Variants in DNAAF11 observed in about 807,000 individuals in gnomAD.
DNAAF11 encodes leucine rich repeat containing 6.
DNAAF11 carries 45 observed loss-of-function variants against 60.8 expected under a neutral mutation model. The ratio of observed to expected loss-of-function variants is 0.74; its 90% CI spans 0.58 to 0.95. DNAAF11 has a LOEUF of 0.95. DNAAF11 is among the 40% of genes least tolerant of loss of function. DNAAF11 has a pLI of 0.00. For synonymous variants in DNAAF11, 191 were observed against 183.5 expected (o/e 1.04, Z -0.33); for missense variants, 546 against 546.2 (o/e 1.00, Z 0.00).
chr8:132,584,211 T>A lies in DNAAF11; in HGVS notation c.1141-432A>T, dbSNP rs150685069. ...CCCGGCTCACTGCGCCCTGGTTTCT[T>A]CCTCTGCAAAATGAAGGAATCGGTT... On this transcript the variant is annotated intron_variant, in intron 10 of 11. Transcript: ENST00000620350. Among the ~76,000 whole-genome samples the A allele has an allele frequency of 3.9e-3, 601 of 152,240 alleles. 11 individuals carry two copies. Among genetic ancestry groups the A allele is most frequent in the African/African-American group, 0.014 (580 of 41,542 alleles).
At chr8:132,635,463 G>A (rs1437178818) in intron 4 of DNAAF11, among the ~76,000 whole-genome samples, 1 of 152,162 alleles carries the variant, frequency 6.6e-6, no homozygotes. Context: ...ACCTTGGTTT[G>A]TCTGCTAACA....
rs181197452 is a variant in DNAAF11, at chr8:132,587,642, G to T, written c.1141-3863C>A. ...CTAAATGTGTTTAGGAATGACTAAT[G>T]GAAAAGTTGTAAGGGCCAAAATATG... On this transcript the variant is annotated intron_variant, in intron 10 of 11. Coordinates refer to ENST00000620350, the MANE Select transcript of DNAAF11 (RefSeq NM_012472.6). Among the ~76,000 whole-genome samples, 1,127 of 152,222 alleles carry T rather than the reference G, an allele frequency of 7.4e-3. 5 individuals carry two copies. Among genetic ancestry groups the T allele is most frequent in the South Asian group, 0.018 (86 of 4,816 alleles).
chr8:132,661,311 C>T (rs1165095814), intron 2 of DNAAF11, 149 bp downstream of exon 2: 1 of 656,050 alleles, frequency 1.5e-6, no homozygotes, highest in East Asian at 2.8e-5. Flanking sequence ...AGGGAAACGC[C>T]CCCCACACAA....
At chr8:132,575,670 C>T (rs1315796218) in intron 11 of DNAAF11, among the ~76,000 whole-genome samples, 1 of 152,152 alleles carries the variant, frequency 6.6e-6, no homozygotes, top group African/African-American at 2.4e-5. Flanking sequence ...TGGCATCTGG[C>T]ACTGGGCGCG....
chr8:132,602,828 G>T (rs1817770317), intron 10 of DNAAF11, among the ~76,000 whole-genome samples: 1 of 151,498 alleles, frequency 6.6e-6, no homozygotes, highest in Admixed American at 6.6e-5. Context: ...ATTTGAGCCT[G>T]CCTCTTCTAG....
intron 11 of DNAAF11, among the ~76,000 whole-genome samples, chr8:132,581,019 A>G (rs1411671185): frequency 6.6e-6 from 1 of 152,224 alleles, no homozygotes; most frequent in African/African-American, 2.4e-5. Flanking sequence ...CTCCTGGTCT[A>G]CGACAGAGGT....
chr8:132,661,489 T>TA lies in DNAAF11; in HGVS notation c.148dup (p.Tyr50LeufsTer5). ...TTTCCCAATAAGATTATTTTGAAGA[T>TA]AGAGAATTTTTAAATCCCGGCACCA... On this transcript the variant is annotated frameshift_variant, in exon 2 of 12. Transcript: ENST00000620350. LOFTEE classifies it high-confidence loss of function. The TA allele has an allele frequency of 6.2e-7, 1 of 1,613,202 alleles. No individual in the cohort carries two copies. The highest frequency in any genetic ancestry group is 8.5e-7 in the Non-Finnish European group (1 of 1,179,532).
chr8:132,634,007 T>C (rs544371849), intron 4 of DNAAF11, among the ~76,000 whole-genome samples: 7 of 151,990 alleles, frequency 4.6e-5, no homozygotes, highest in African/African-American at 1.7e-4. Flanking sequence ...ACTAAGTTTG[T>C]CTCAATTTGT....
chr8:132,675,967 T>C (rs1825745330), upstream of DNAAF11, among the ~76,000 whole-genome samples: 1 of 152,146 alleles, frequency 6.6e-6, no homozygotes, highest in Non-Finnish European at 1.5e-5. Context: ...TCTCCTCAGT[T>C]TGCACATCTG....
At chr8:132,674,148 G>GAGAAGGAGGAGAAGGAGGAGGAGGAGA in intron 1 of DNAAF11, among the ~76,000 whole-genome samples, 1 of 120,602 alleles carries the variant, frequency 8.3e-6, no homozygotes, top group South Asian at 2.8e-4. Flanking sequence ...GGAGGAGGAA[G>GAGAAGGAGGAGAAGGAGGAGGAGGAGA]AGGAGGAGGA....
chr8:132,572,352 T>C lies in DNAAF11; in HGVS notation c.1355A>G (p.Glu452Gly). 6.2e-7 allele frequency: 1 copy of C among 1,614,036 alleles called. No individual in the cohort carries two copies. The highest frequency in any genetic ancestry group is 8.5e-7 in the Non-Finnish European group (1 of 1,179,940). Reference protein sequence around the residue: ...RPEPKIIPSEEDPTFEDNPEV... With the variant: ...RPEPKIIPSEGDPTFEDNPEV... ...AGGGTTGTCTTCAAAGGTTGGGTCT[T>C]CCTCACTTGGTATAATTTTGGGTTC... The change falls in exon 12 of 12, where the codon GAA becomes GGA. Residue 452 changes from glutamate to glycine, a missense_variant. By Grantham distance (98) the Glu-to-Gly change is moderately conservative (BLOSUM62 -2). Coordinates refer to ENST00000620350, the MANE Select transcript of DNAAF11 (RefSeq NM_012472.6).
chr8:132,647,813 G>C (rs929220654), intron 3 of DNAAF11, among the ~76,000 whole-genome samples: 2 of 152,130 alleles, frequency 1.3e-5, no homozygotes, highest in Non-Finnish European at 2.9e-5. Flanking sequence ...ACTAACCCAG[G>C]AAGAAGTTGA....
At chr8:132,589,228 C>T (rs1384021360) in intron 10 of DNAAF11, among the ~76,000 whole-genome samples, 4 of 152,104 alleles carry the variant, frequency 2.6e-5, no homozygotes, top group Admixed American at 1.3e-4. Flanking sequence ...AAAGAGAAAA[C>T]AAGCATGAGC....
chr8:132,693,326 T>C, the DNAAF11 span, among the ~76,000 whole-genome samples: 1 of 152,224 alleles, frequency 6.6e-6, no homozygotes, highest in African/African-American at 2.4e-5. Flanking sequence ...TATGGACAGA[T>C]GCCATTGCTT....
At chr8:132,612,617 T>C (rs1178578358) in intron 8 of DNAAF11, among the ~76,000 whole-genome samples, 1 of 152,148 alleles carries the variant, frequency 6.6e-6, no homozygotes, top group Non-Finnish European at 1.5e-5. Flanking sequence ...GATGTCTATT[T>C]ATTGTCTGTT....
rs1200377340 is a variant in DNAAF11 at position 132,625,427 on chromosome 8, T to C, written c.681A>G (p.Leu227=). ...TGTGTTCCTCTGTGTCTGGTGCCTG[T>C]AGGTGGTCTTTGCTCTCTAAAGAGG... ...TLSSLESKDH[L]QAPDTEEHNT... Residue 227 remains leucine (L), a synonymous_variant, in exon 6 of 12, where the codon CTA becomes CTG. Transcript: ENST00000620350. 2.5e-6 allele frequency: 4 copies of C among 1,611,282 alleles called. No individual in the cohort carries two copies. The highest frequency in any genetic ancestry group is 1.3e-5 in the African/African-American group (1 of 74,768).
chr8:132,648,916 G>A (rs62514513), intron 3 of DNAAF11, among the ~76,000 whole-genome samples: 32,191 of 152,116 alleles, frequency 0.21, 3,751 homozygotes, highest in East Asian at 0.35. Context: ...AGTCGATATC[G>A]TGAAAATGGC....
At chr8:132,625,812 C>CAGTAGATCTGA (rs751983286) in intron 5 of DNAAF11, among the ~76,000 whole-genome samples, 1 of 152,150 alleles carries the variant, frequency 6.6e-6, no homozygotes, top group Non-Finnish European at 1.5e-5. Context: ...AAAGCCTATT[C>CAGTAGATCTGA]AGTAGATCTG....
Position 132,632,875 on chromosome 8 carries a change from T to C in DNAAF11, c.518A>G (p.Glu173Gly). The change falls in exon 5 of 12, where the codon GAA becomes GGA. Residue 173 changes from glutamate (E) to glycine (G), a missense_variant. By Grantham distance (98) the Glu-to-Gly change is moderately conservative (BLOSUM62 -2). Transcript: ENST00000620350. ...SVIEPQIREQEKDHCLKRAKL... is the reference protein window; with the variant it reads ...SVIEPQIREQGKDHCLKRAKL... Reference sequence around the variant, plus strand: ...GGCTCGTTTAAGACAGTGATCTTTTTCCTGCTCTCTGATTTGTGGTTCAAT... The same window carrying C: ...GGCTCGTTTAAGACAGTGATCTTTTCCCTGCTCTCTGATTTGTGGTTCAAT... 6.2e-7 allele frequency: 1 copy of C among 1,613,888 alleles called. No homozygotes were observed. Among genetic ancestry groups the C allele is most frequent in the Admixed American group, 1.7e-5 (1 of 60,012 alleles).
Sources: allele counts gnomAD v4.1 joint callset (sites outside exome capture counted in the v4.1 genomes callset), GRCh38; gene constraint gnomAD v4.1.1; transcripts MANE v1.5; gene names NCBI Gene and HGNC (gene_info 2026-07-23, HGNC 2026-07-21).